Variants in RIC1 observed in about 807,000 individuals in gnomAD.
RIC1 encodes RIC1 partner of RAB6A GEF complex.
RIC1 carries 88 observed loss-of-function variants against 169.0 expected under a neutral mutation model. The observed-to-expected ratio is 0.52, with a 90% CI of 0.44 to 0.62. RIC1 has a LOEUF of 0.62. Among genes scored for constraint, RIC1 ranks in the 20% least tolerant of loss-of-function variants. The pLI, the probability that RIC1 is intolerant of heterozygous loss-of-function variation, is 0.00. For missense variants in RIC1, 1,877 were observed against 1,725.5 expected (o/e 1.09, Z -1.56); for synonymous variants, 790 against 601.5 (o/e 1.31, Z -4.59).
chr9:5,724,146 G>C (rs1823799655), intron 6 of RIC1, among the ~76,000 whole-genome samples: 1 of 152,122 alleles, frequency 6.6e-6, no homozygotes, highest in East Asian at 1.9e-4. Flanking sequence ...AAATGACCTT[G>C]GGCAGTATGG....
chr9:5,753,210 C>A lies in RIC1; in HGVS notation c.1463C>A (p.Thr488Asn). The A allele has an allele frequency of 6.2e-7, 1 of 1,613,036 alleles. No homozygotes were observed. Residue 488 changes from threonine (T) to asparagine (N), a missense_variant, in exon 13 of 26, where the codon ACC becomes AAC. Physicochemically the swap from Thr to Asn is moderately conservative, Grantham distance 65. Transcript: ENST00000414202. ...TGTTATTTTCTATAGATTTCCAGCA[C>A]CTATCTAGAGAGCAATTGGCCTATA... ...RHWHVVQISS[T>N]YLESNWPIRF...
intron 2 of RIC1, among the ~76,000 whole-genome samples, chr9:5,681,890 T>C (rs1820865301): frequency 6.6e-6 from 1 of 152,246 alleles, no homozygotes; most frequent in Non-Finnish European, 1.5e-5. Context: ...TCTTGTTGAA[T>C]TGATCCCTTT....
intron 3 of RIC1, among the ~76,000 whole-genome samples, chr9:5,693,858 C>A (rs1821735383): frequency 6.6e-6 from 1 of 151,466 alleles, no homozygotes; most frequent in Non-Finnish European, 1.5e-5. Flanking sequence ...TTCACTGCTA[C>A]TATTACCCTC....
chr9:5,661,982 CTT>C (rs1219405161), intron 2 of RIC1, among the ~76,000 whole-genome samples: 3 of 152,042 alleles, frequency 2.0e-5, no homozygotes, highest in Non-Finnish European at 2.9e-5. Flanking sequence ...ATATATGACT[CTT>C]ATTATTTTGA....
chr9:5,681,586 G>A (rs1053152378), intron 2 of RIC1, among the ~76,000 whole-genome samples: 1 of 152,214 alleles, frequency 6.6e-6, no homozygotes, highest in South Asian at 2.1e-4. Context: ...TTTGGAATAG[G>A]TGTGGTGTGT....
chr9:5,690,458 G>A (rs1241891682), intron 3 of RIC1, among the ~76,000 whole-genome samples: 1 of 151,828 alleles, frequency 6.6e-6, no homozygotes, highest in Non-Finnish European at 1.5e-5. Context: ...GGAAAAACGT[G>A]GACTTTTGCC....
rs770223963 is a variant in RIC1 at position 5,772,955 on chromosome 9, T to G, written c.3858T>G (p.Ile1286Met). 41 of 1,613,772 alleles carry G rather than the reference T, an allele frequency of 2.5e-5. No homozygotes were observed. The highest frequency in any genetic ancestry group is 2.5e-6 in the Non-Finnish European group (3 of 1,179,836). Residue 1286 changes from isoleucine to methionine, a missense_variant, in exon 25 of 26, where the codon ATT becomes ATG. By Grantham distance (10) the Ile-to-Met change is conservative. This residue lies in a region of RIC1 where 681 missense variants were observed against 582.0 expected (regional missense o/e 1.17). Coordinates refer to ENST00000414202, the MANE Select transcript of RIC1 (RefSeq NM_020829.4). ...ACTGGTGCATCGTTATAGGCCTGAT[T>G]CTTAGAGAATCCTCAATAATCAATC... ...CLDWCIVIGL[I>M]LRESSIINQI... is the part of the protein sequence containing the mutation.
At chr9:5,671,467 G>C (rs1481767987) in intron 2 of RIC1, among the ~76,000 whole-genome samples, 1 of 151,896 alleles carries the variant, frequency 6.6e-6, no homozygotes, top group East Asian at 1.9e-4. Context: ...GTAGCGACAG[G>C]GTTTTGCCAT....
intron 2 of RIC1, among the ~76,000 whole-genome samples, chr9:5,680,361 G>A (rs1372604261): frequency 2.0e-5 from 3 of 152,192 alleles, no homozygotes; most frequent in Admixed American, 6.5e-5. Flanking sequence ...GTCATCAAAT[G>A]AGTTAGGGAG....
intron 1 of RIC1, among the ~76,000 whole-genome samples, chr9:5,652,771 C>T (rs898104542): frequency 3.3e-5 from 5 of 151,700 alleles, no homozygotes; most frequent in Admixed American, 2.0e-4. Context: ...AGATAGTATC[C>T]TTGTCTTATT....
chr9:5,720,569 T>A, intron 5 of RIC1, 45 bp from the exon 6 acceptor site: 1 of 1,526,564 alleles, frequency 6.6e-7, no homozygotes, highest in Non-Finnish European at 8.8e-7. Context: ...GAGAGTAATT[T>A]ATTATATTCT....
intron 6 of RIC1, among the ~76,000 whole-genome samples, chr9:5,721,257 C>T (rs1323083300): frequency 6.6e-6 from 1 of 152,124 alleles, no homozygotes; most frequent in Non-Finnish European, 1.5e-5. Context: ...GGTACTGACG[C>T]AGAAGTTTTT....
chr9:5,751,841 A>T lies in RIC1; in HGVS notation c.1453-1359A>T, dbSNP rs566569608. On this transcript the variant is annotated intron_variant, in intron 12 of 25. Coordinates refer to ENST00000414202, the MANE Select transcript of RIC1 (RefSeq NM_020829.4). ...TGTTTAGAGCATATTGCTTTTACTT[A>T]ATTTTCTGTCTTCACATTACATACA... Among the ~76,000 whole-genome samples the T allele has an allele frequency of 5.3e-5, 8 of 152,342 alleles. No homozygotes were observed. The South Asian group carries it at 1.0e-3, about 20-fold the overall frequency.
chr9:5,687,843 C>G (rs1039050714), intron 2 of RIC1, among the ~76,000 whole-genome samples: 2 of 152,078 alleles, frequency 1.3e-5, no homozygotes, highest in African/African-American at 4.8e-5. Context: ...TGCGGAGACT[C>G]TGTTTATATG....
At position 5,763,934 on chromosome 9, in the gene RIC1, C is replaced by G; in HGVS notation, c.2841+66C>G. ...CTTAAACTTAGAAAAATAGAAATGT[C>G]CTGTTTTGACACCATGATTGTGTTT... On this transcript the variant is annotated intron_variant, in intron 19 of 25. Transcript: ENST00000414202. This position sits in a 1 kb window ranked among gnomAD's most constrained non-coding sequence, Gnocchi z 5.2. 1 of 1,473,904 alleles carries G rather than the reference C, an allele frequency of 6.8e-7. No homozygotes were observed. Among genetic ancestry groups the G allele is most frequent in the Non-Finnish European group, 9.1e-7 (1 of 1,094,238 alleles). 91.3% of individuals were successfully genotyped at this position (1,473,904 alleles called of 1,614,324 possible). A position where few individuals can be genotyped will look rare whatever the true frequency, so the allele number is the denominator to read the frequency against.
intron 2 of RIC1, among the ~76,000 whole-genome samples, chr9:5,661,404 A>G (rs1156439011): frequency 6.6e-6 from 1 of 152,176 alleles, no homozygotes; most frequent in African/African-American, 2.4e-5. Flanking sequence ...GATAGCATTG[A>G]ATCTATAAAT....
intron 2 of RIC1, among the ~76,000 whole-genome samples, chr9:5,660,720 T>G (rs1175693822): frequency 6.6e-6 from 1 of 152,202 alleles, no homozygotes; most frequent in African/African-American, 2.4e-5. Context: ...TGTAAGTTAT[T>G]AAGTTCATTG....
intron 7 of RIC1, among the ~76,000 whole-genome samples, chr9:5,737,411 G>T (rs1824782439): frequency 6.6e-6 from 1 of 152,106 alleles, no homozygotes; most frequent in African/African-American, 2.4e-5. Context: ...CACCAGTGCT[G>T]ATGAAGCCTC....
intron 3 of RIC1, among the ~76,000 whole-genome samples, chr9:5,697,054 G>A (rs1821944948): frequency 6.6e-6 from 1 of 152,184 alleles, no homozygotes; most frequent in South Asian, 2.1e-4. Context: ...AAAAACCCTA[G>A]TAGTCATTCT....
Sources: gnomAD v4.1 joint callset for allele counts (sites outside exome capture counted in the v4.1 genomes callset) on GRCh38, gnomAD v4.1.1 for gene constraint, gnomAD v4.1.1 regional missense constraint, Gnocchi (gnomAD v3.1) non-coding constraint, MANE v1.5 for transcripts, NCBI Gene and HGNC (gene_info 2026-07-23, HGNC 2026-07-21) for gene names.